Variants in RAB38 observed in about 807,000 individuals in gnomAD.
RAB38 encodes the protein RAB38, member RAS oncogene family, also known as ras-related protein Rab-38.
In RAB38, 15 loss-of-function variants were observed where a neutral mutation model predicts 18.4. The observed-to-expected ratio is 0.82, with a 90% CI of 0.55 to 1.26. The LOEUF is 1.26. Among genes scored for constraint, RAB38 ranks in the 50% most tolerant of loss-of-function variants. The pLI, the probability that RAB38 is intolerant of heterozygous loss-of-function variation, is 0.00. For missense variants in RAB38, 294 were observed against 267.4 expected (o/e 1.10, Z -0.69); for synonymous variants, 101 against 104.4 (o/e 0.97, Z 0.20).
At chr11:87,913,574 G>A in the RAB38 span, among the ~76,000 whole-genome samples, 4 of 152,206 alleles carry the variant, frequency 2.6e-5, no homozygotes, top group South Asian at 8.3e-4. Flanking sequence ...TCCACCAAAA[G>A]TCACATTGAA....
intron 1 of RAB38, among the ~76,000 whole-genome samples, chr11:88,154,324 G>A (rs762236758): frequency 3.3e-5 from 5 of 152,156 alleles, no homozygotes; most frequent in Non-Finnish European, 7.3e-5. Flanking sequence ...AGCTGCATAG[G>A]AGCCTCCACA....
chr11:88,114,236 T>C, intron 2 of RAB38, 96 bp from the exon 3 acceptor site: 1 of 1,328,544 alleles, frequency 7.5e-7, no homozygotes, highest in Non-Finnish European at 1.1e-6. Flanking sequence ...AAATATTCCT[T>C]CCTATATGCT....
chr11:87,974,297 G>T, the RAB38 span, among the ~76,000 whole-genome samples: 3 of 150,604 alleles, frequency 2.0e-5, no homozygotes, highest in African/African-American at 7.3e-5. Context: ...AATAACAAAA[G>T]AACCAAATGG....
chr11:87,937,189 T>C, the RAB38 span, among the ~76,000 whole-genome samples: 1 of 151,474 alleles, frequency 6.6e-6, no homozygotes, highest in South Asian at 2.1e-4. Flanking sequence ...AAATGCCTTT[T>C]CTGCTTTCAT....
At chr11:87,852,990 G>A in the RAB38 span, among the ~76,000 whole-genome samples, 2 of 152,120 alleles carry the variant, frequency 1.3e-5, no homozygotes, top group Non-Finnish European at 2.9e-5. Context: ...TACAAAATGG[G>A]ATGCCTCCTA....
the RAB38 span, among the ~76,000 whole-genome samples, chr11:88,009,860 A>G: frequency 4.9e-4 from 75 of 152,270 alleles, no homozygotes; most frequent in African/African-American, 1.7e-3. Context: ...TTAGAAATGC[A>G]TAGAACCATA....
the RAB38 span, among the ~76,000 whole-genome samples, chr11:87,809,123 A>G: frequency 1.3e-5 from 2 of 152,168 alleles, no homozygotes; most frequent in Non-Finnish European, 2.9e-5. Context: ...TATATAAGTA[A>G]TTTCATTTAA....
chr11:87,857,372 T>C, the RAB38 span, among the ~76,000 whole-genome samples: 51 of 152,246 alleles, frequency 3.3e-4, no homozygotes, highest in Middle Eastern at 3.4e-3. Flanking sequence ...CCTTTGGATA[T>C]ATACCCAGTA....
the RAB38 span, among the ~76,000 whole-genome samples, chr11:88,005,814 A>G: frequency 6.6e-6 from 1 of 151,528 alleles, no homozygotes. Context: ...GTTCTTCTGT[A>G]TGTGAATATC....
chr11:88,049,307 G>A, the RAB38 span, among the ~76,000 whole-genome samples: 1 of 152,042 alleles, frequency 6.6e-6, no homozygotes, highest in South Asian at 2.1e-4. Context: ...CTTAACTGAT[G>A]ACATTCCACC....
the RAB38 span, among the ~76,000 whole-genome samples, chr11:87,847,917 T>C: frequency 6.6e-6 from 1 of 152,034 alleles, no homozygotes; most frequent in Admixed American, 6.6e-5. Flanking sequence ...GCTAAGAGAA[T>C]ACAAACCTTG....
At chr11:88,054,053 G>T in the RAB38 span, among the ~76,000 whole-genome samples, 697 of 152,266 alleles carry the variant, frequency 4.6e-3, 4 homozygotes, top group African/African-American at 0.016. Context: ...TTCACGAACT[G>T]CGAAGAATGA....
At chr11:87,824,317 G>T in the RAB38 span, among the ~76,000 whole-genome samples, 1 of 152,046 alleles carries the variant, frequency 6.6e-6, no homozygotes, top group Non-Finnish European at 1.5e-5. Flanking sequence ...AAAACATTTG[G>T]GTCTCTGCCT....
chr11:87,955,667 C>CATCT, the RAB38 span, among the ~76,000 whole-genome samples: 1 of 141,734 alleles, frequency 7.1e-6, no homozygotes, highest in African/African-American at 2.6e-5. Flanking sequence ...ATCTATCAAT[C>CATCT]ATCTATCTAT....
the RAB38 span, among the ~76,000 whole-genome samples, chr11:87,918,413 A>C: frequency 2.0e-5 from 3 of 152,280 alleles, no homozygotes; most frequent in Admixed American, 2.0e-4. Context: ...CAGTAGTGAA[A>C]TTACTGGATC....
chr11:87,845,538 A>C, the RAB38 span, among the ~76,000 whole-genome samples: 7 of 152,154 alleles, frequency 4.6e-5, no homozygotes, highest in African/African-American at 1.7e-4. Context: ...AGCCTCTGGT[A>C]CGTAGGGGAT....
chr11:88,083,725 T>G, the RAB38 span, among the ~76,000 whole-genome samples: 1 of 151,922 alleles, frequency 6.6e-6, no homozygotes, highest in Non-Finnish European at 1.5e-5. Context: ...TAGCTCAAGC[T>G]TTTTTGCTCT....
the RAB38 span, among the ~76,000 whole-genome samples, chr11:88,004,209 A>T: frequency 1.3e-5 from 2 of 150,350 alleles, no homozygotes; most frequent in Admixed American, 6.7e-5. Context: ...AAGGACATAC[A>T]TTCTTCGTGA....
At chr11:88,150,023 T>G (rs569757741) in intron 1 of RAB38, 68 bp from the exon 2 acceptor site, 1 of 1,491,260 alleles carries the variant, frequency 6.7e-7, no homozygotes, top group South Asian at 1.3e-5. Context: ...TATAACTTCA[T>G]GAAGCCTCCA....
Sources: allele counts gnomAD v4.1 joint callset (sites outside exome capture counted in the v4.1 genomes callset), GRCh38; gene constraint gnomAD v4.1.1; transcripts MANE v1.5; gene names NCBI Gene and HGNC (gene_info 2026-07-23, HGNC 2026-07-21).